Variants in FAM13A observed in about 807,000 individuals in gnomAD.
The protein encoded by FAM13A is protein FAM13A.
FAM13A carries 76 observed loss-of-function variants against 129.6 expected under a neutral mutation model. That is an observed-to-expected ratio of 0.59 (90% CI 0.49 to 0.71). The LOEUF (loss-of-function observed/expected upper bound fraction) is 0.71. FAM13A is among the 30% of genes least tolerant of loss of function. The probability of loss-of-function intolerance (pLI) is 0.00; values close to 1 mark genes in which losing one functional copy is unlikely to be tolerated. For synonymous variants in FAM13A, 443 were observed against 449.9 expected, an observed-to-expected ratio of 0.98 and a Z score of 0.20; for missense variants, 1,108 against 1,249.3, an observed-to-expected ratio of 0.89 and a Z score of 1.70.
Position 88,916,915 on chromosome 4 carries a change from A to G in FAM13A, c.760-10453T>C, listed in dbSNP as rs116084800. On this transcript the variant is annotated intron_variant, in intron 5 of 23. Coordinates refer to ENST00000264344, the MANE Select transcript of FAM13A (RefSeq NM_014883.4). ...TGTGCCACCCCACTAAAAGGTAAAG[A>G]TGAGAACAGGTATTATTTTTAAAAT... Among the ~76,000 whole-genome samples the G allele has an allele frequency of 3.7e-3, 556 of 152,298 alleles. 3 individuals are homozygous for G. Among genetic ancestry groups the G allele is most frequent in the African/African-American group, 0.012 (516 of 41,554 alleles).
At chr4:88,752,245 C>T (rs567338454) in intron 14 of FAM13A, among the ~76,000 whole-genome samples, 1 of 152,150 alleles carries the variant, frequency 6.6e-6, no homozygotes, top group South Asian at 2.1e-4. Flanking sequence ...TGATCCAACC[C>T]AGCAGGTGAC....
In FAM13A at chr4:88,928,423, G is replaced by C. The variant is rs568157150; in HGVS notation, c.759+9665C>G. Among the ~76,000 whole-genome samples the C allele has an allele frequency of 5.3e-5, 8 of 152,222 alleles. No homozygotes were observed. In the South Asian group the frequency reaches 1.7e-3, roughly 32 times the overall value. On this transcript the variant is annotated intron_variant, in intron 5 of 23. Transcript: ENST00000264344. ...CTGTCTCAATGATCTGTCTATTGCT[G>C]TCCCTATTACTACTGTATTGCTGTC...
chr4:88,927,721 CT>C (rs1466842111), intron 5 of FAM13A, among the ~76,000 whole-genome samples: 2 of 151,552 alleles, frequency 1.3e-5, no homozygotes, highest in African/African-American at 4.8e-5. Context: ...TTTTTCATTT[CT>C]GATTGTGTGT....
intron 14 of FAM13A, chr4:88,753,654 G>C (rs563999812): frequency 3.2e-6 from 3 of 936,088 alleles, no homozygotes; most frequent in Non-Finnish European, 3.8e-6. Context: ...TCTGTTATTC[G>C]ATAGTCTTAT....
In FAM13A at chr4:88,781,212, A is replaced by G. The variant is rs1319601053; in HGVS notation, c.1411T>C (p.Ser471Pro). 2.5e-6 allele frequency: 4 copies of G among 1,611,798 alleles called. No homozygotes were observed. The highest frequency in any genetic ancestry group is 3.4e-6 in the Non-Finnish European group (4 of 1,178,884). ...GERSKPKRQK[S>P]STKLSELHDN... ...TGAAGCTCAGAAAGTTTAGTACTGGATTTCTGACGTTTAGGCTTGCTCCTT... is the reference window on the plus strand; with the variant it reads ...TGAAGCTCAGAAAGTTTAGTACTGGGTTTCTGACGTTTAGGCTTGCTCCTT... The change falls in exon 11 of 24, where the codon TCC becomes CCC. Residue 471 changes from serine to proline, a missense_variant. Around this residue, in one of 3 missense-constraint regions of FAM13A, gnomAD observed 566 missense variants for 595.7 expected, o/e 0.95. Coordinates refer to ENST00000264344, the MANE Select transcript of FAM13A (RefSeq NM_014883.4).
At chr4:88,995,856 AAGAC>A (rs750762046) in intron 3 of FAM13A, among the ~76,000 whole-genome samples, 1 of 152,226 alleles carries the variant, frequency 6.6e-6, no homozygotes, top group Non-Finnish European at 1.5e-5. Context: ...AATCGAGGGG[AAGAC>A]AGACAATTAA....
intron 4 of FAM13A, among the ~76,000 whole-genome samples, chr4:88,975,259 C>A (rs901898644): frequency 6.6e-6 from 1 of 152,014 alleles, no homozygotes; most frequent in Admixed American, 6.6e-5. Flanking sequence ...TCCATAGTAA[C>A]CTTGTCGGAG....
intron 1 of FAM13A, among the ~76,000 whole-genome samples, chr4:89,045,039 G>T (rs994622251): frequency 6.6e-6 from 1 of 152,062 alleles, no homozygotes; most frequent in Admixed American, 6.6e-5. Flanking sequence ...TAATCTTACA[G>T]AATTATATAT....
Position 88,765,650 on chromosome 4 carries a change from A to G in FAM13A, c.1578+1903T>C, listed in dbSNP as rs527998273. The stretch of plus-strand genomic sequence containing the variant: ...CAGTTCTTTTCACTGTCTGTCATGG[A>G]TAATAACAAAATAAATTTCCTTCAG... On this transcript the variant is annotated intron_variant, in intron 13 of 23. Coordinates refer to ENST00000264344, the MANE Select transcript of FAM13A (RefSeq NM_014883.4). 2.0e-5 allele frequency among the ~76,000 whole-genome samples: 3 copies of G among 152,366 alleles called. No homozygotes were observed. The East Asian group carries it at 5.8e-4, about 29-fold the overall frequency.
At chr4:88,923,513 T>A (rs927836742) in intron 5 of FAM13A, among the ~76,000 whole-genome samples, 2 of 152,172 alleles carry the variant, frequency 1.3e-5, no homozygotes, top group African/African-American at 4.8e-5. Context: ...CCCTTCATGC[T>A]AAAAACTCTC....
chr4:88,948,513 G>C (rs1427987971), intron 4 of FAM13A, among the ~76,000 whole-genome samples: 1 of 151,090 alleles, frequency 6.6e-6, no homozygotes, highest in East Asian at 1.9e-4. Flanking sequence ...TTTTGAGACA[G>C]AGTCTCACTC....
At chr4:88,891,576 A>G (rs150228181) in intron 6 of FAM13A, among the ~76,000 whole-genome samples, 2 of 152,358 alleles carry the variant, frequency 1.3e-5, no homozygotes, top group East Asian at 3.9e-4. Flanking sequence ...CTCAAAACCC[A>G]TAAGATATTT....
chr4:88,790,209 C>T (rs1724845502), intron 9 of FAM13A, among the ~76,000 whole-genome samples: 1 of 152,026 alleles, frequency 6.6e-6, no homozygotes, highest in African/African-American at 2.4e-5. Flanking sequence ...TAGGTTCAGT[C>T]AAATGAACTA....
chr4:88,983,372 C>G (rs1761876669), intron 4 of FAM13A, among the ~76,000 whole-genome samples: 1 of 151,744 alleles, frequency 6.6e-6, no homozygotes, highest in South Asian at 2.1e-4. Flanking sequence ...AACCTGAGCA[C>G]CTAATAGGAA....
intron 3 of FAM13A, among the ~76,000 whole-genome samples, chr4:88,991,867 T>C (rs1360832884): frequency 6.6e-6 from 1 of 152,188 alleles, no homozygotes; most frequent in Non-Finnish European, 1.5e-5. Context: ...AGTCCACTTT[T>C]AGTAAGAATA....
intron 5 of FAM13A, among the ~76,000 whole-genome samples, chr4:88,930,829 A>C (rs1426590410): frequency 2.6e-5 from 4 of 152,170 alleles, no homozygotes; most frequent in African/African-American, 9.7e-5. Context: ...TGCTGAAAGC[A>C]ACAGTGAGTG....
At chr4:88,932,106 C>T (rs1753126183) in intron 5 of FAM13A, among the ~76,000 whole-genome samples, 1 of 152,198 alleles carries the variant, frequency 6.6e-6, no homozygotes, top group Admixed American at 6.5e-5. Flanking sequence ...TGCTACAGTA[C>T]ATACTCATTA....
intron 5 of FAM13A, among the ~76,000 whole-genome samples, chr4:88,926,966 C>T (rs1752289947): frequency 6.6e-6 from 1 of 152,068 alleles, no homozygotes; most frequent in South Asian, 2.1e-4. Context: ...AGTGTGTGTA[C>T]ACACACCTAC....
At chr4:88,925,736 G>A (rs1169791688) in intron 5 of FAM13A, among the ~76,000 whole-genome samples, 1 of 151,720 alleles carries the variant, frequency 6.6e-6, no homozygotes, top group Non-Finnish European at 1.5e-5. Context: ...AAAGAGAAAT[G>A]CCAATGTATA....
Sources: allele counts gnomAD v4.1 joint callset (sites outside exome capture counted in the v4.1 genomes callset), GRCh38; gene constraint gnomAD v4.1.1; regional missense constraint gnomAD v4.1.1; transcripts MANE v1.5; gene names NCBI Gene and HGNC (gene_info 2026-07-23, HGNC 2026-07-21).